MGAT4C: variants seen among roughly 807,000 people sequenced by gnomAD.
The protein encoded by MGAT4C is MGAT4 family member C, also known as alpha-1,3-mannosyl-glycoprotein 4-beta-N-acetylglucosaminyltransferase C.
In MGAT4C, 19 loss-of-function variants were observed where a neutral mutation model predicts 40.1. The ratio of observed to expected loss-of-function variants is 0.47; its 90% CI spans 0.33 to 0.70. MGAT4C has a LOEUF of 0.70. Among genes scored for constraint, MGAT4C ranks in the 30% least tolerant of loss-of-function variants. The pLI, the probability that MGAT4C is intolerant of heterozygous loss-of-function variation, is 0.02. For missense variants in MGAT4C, 491 were observed against 563.2 expected, an observed-to-expected ratio of 0.87 and a Z score of 1.30; for synonymous variants, 181 against 187.1, an observed-to-expected ratio of 0.97 and a Z score of 0.27.
intron 2 of MGAT4C, among the ~76,000 whole-genome samples, chr12:86,559,005 C>T (rs936276035): frequency 6.6e-6 from 1 of 151,738 alleles, no homozygotes; most frequent in Non-Finnish European, 1.5e-5. Context: ...TACAGACAGT[C>T]TATGCAATTG....
chr12:86,415,569 T>C (rs965181912), intron 3 of MGAT4C, among the ~76,000 whole-genome samples: 1 of 151,992 alleles, frequency 6.6e-6, no homozygotes, highest in Non-Finnish European at 1.5e-5. Context: ...TTTTTTCCTA[T>C]GCACAATGGA....
chr12:86,312,534 G>A (rs923852006), intron 4 of MGAT4C, among the ~76,000 whole-genome samples: 15 of 152,112 alleles, frequency 9.9e-5, no homozygotes, highest in Non-Finnish European at 1.8e-4. Context: ...AGCCAGCTTC[G>A]CTCTTATAAA....
At chr12:86,796,932 T>C (rs1593216290) in intron 1 of MGAT4C, among the ~76,000 whole-genome samples, 1 of 152,034 alleles carries the variant, frequency 6.6e-6, no homozygotes, top group East Asian at 1.9e-4. Context: ...TAAAAATATT[T>C]GAAATTTTTA....
At chr12:86,763,753 C>A (rs1418677974) in intron 1 of MGAT4C, among the ~76,000 whole-genome samples, 2 of 152,032 alleles carry the variant, frequency 1.3e-5, no homozygotes, top group African/African-American at 2.4e-5. Flanking sequence ...GGTATAACTG[C>A]AGAATTCCTG....
At chr12:86,300,523 A>C (rs542343304) in intron 4 of MGAT4C, among the ~76,000 whole-genome samples, 3 of 152,168 alleles carry the variant, frequency 2.0e-5, no homozygotes, top group Non-Finnish European at 4.4e-5. Context: ...AACAAAAAAC[A>C]AAAAACAGAG....
At chr12:86,217,368 G>T (rs900574629) in intron 1 of MGAT4C, among the ~76,000 whole-genome samples, 1 of 152,030 alleles carries the variant, frequency 6.6e-6, no homozygotes, top group Non-Finnish European at 1.5e-5. Context: ...TACAGACGTG[G>T]TTTCACCATG....
intron 2 of MGAT4C, among the ~76,000 whole-genome samples, chr12:86,650,503 A>G (rs1337885175): frequency 1.3e-5 from 2 of 151,876 alleles, no homozygotes; most frequent in African/African-American, 4.8e-5. Context: ...ACATTTAAAT[A>G]CCAAGTGCTG....
intron 1 of MGAT4C, among the ~76,000 whole-genome samples, chr12:86,136,860 G>C (rs552530548): frequency 6.6e-6 from 1 of 152,040 alleles, no homozygotes; most frequent in African/African-American, 2.4e-5. Context: ...GCTAATTTTT[G>C]TATTTTTAGT....
At chr12:86,378,834 G>A (rs369862190) in intron 3 of MGAT4C, among the ~76,000 whole-genome samples, 16 of 152,186 alleles carry the variant, frequency 1.1e-4, no homozygotes, top group African/African-American at 3.6e-4. Context: ...GTCTTAAAAT[G>A]AAGTCCCAGG....
At chr12:85,989,345 C>A in intron 3 of MGAT4C, 55 bp downstream of exon 3, 3 of 1,463,712 alleles carry the variant, frequency 2.0e-6, no homozygotes, top group South Asian at 3.0e-5. Flanking sequence ...GGGACTAATT[C>A]TTGTTTGACT....
intron 2 of MGAT4C, among the ~76,000 whole-genome samples, chr12:86,467,378 G>A (rs1364390763): frequency 6.6e-6 from 1 of 152,120 alleles, no homozygotes; most frequent in Non-Finnish European, 1.5e-5. Flanking sequence ...CACAGACCAA[G>A]ACACCATGGA....
intron 2 of MGAT4C, among the ~76,000 whole-genome samples, chr12:86,659,212 T>C (rs1286274588): frequency 1.3e-5 from 2 of 152,032 alleles, no homozygotes; most frequent in Non-Finnish European, 2.9e-5. Flanking sequence ...TTATTATCTT[T>C]CTTCATCCAT....
chr12:86,012,796 C>A (rs368891051), intron 2 of MGAT4C, among the ~76,000 whole-genome samples: 28,029 of 132,228 alleles, frequency 0.21, 2,988 homozygotes, highest in Non-Finnish European at 0.29. Flanking sequence ...CCACCACCAC[C>A]ACCACCACCA....
intron 1 of MGAT4C, among the ~76,000 whole-genome samples, chr12:86,141,847 T>G (rs1409508767): frequency 6.6e-6 from 1 of 152,134 alleles, no homozygotes; most frequent in African/African-American, 2.4e-5. Flanking sequence ...TTCTGGTGGC[T>G]TCAGCGACTG....
At chr12:86,734,939 G>A (rs745872183) in intron 1 of MGAT4C, among the ~76,000 whole-genome samples, 3 of 151,992 alleles carry the variant, frequency 2.0e-5, no homozygotes, top group Non-Finnish European at 4.4e-5. Flanking sequence ...GGGAGGAAAG[G>A]AGTAGGAAAA....
chr12:86,739,267 T>C (rs1593164544), intron 1 of MGAT4C, among the ~76,000 whole-genome samples: 2 of 150,592 alleles, frequency 1.3e-5, no homozygotes, highest in South Asian at 2.1e-4. Flanking sequence ...TTGTAGTACC[T>C]GTCCTAAAGA....
chr12:86,541,922 T>C (rs912866976), intron 2 of MGAT4C, among the ~76,000 whole-genome samples: 5 of 152,210 alleles, frequency 3.3e-5, no homozygotes, highest in Admixed American at 2.6e-4. Context: ...CCTTTCCTTG[T>C]AGTTCATCCA....
chr12:86,494,184 A>C (rs1411545476), intron 2 of MGAT4C, among the ~76,000 whole-genome samples: 1 of 151,974 alleles, frequency 6.6e-6, no homozygotes, highest in Non-Finnish European at 1.5e-5. Context: ...GAAAGCTTGC[A>C]ATTTTCCATT....
rs1033634543 is a variant in MGAT4C at position 85,957,711 on chromosome 12, G to T, written c.*21578C>A. 3 of 146,896 alleles carry T rather than the reference G, an allele frequency of 2.0e-5. No homozygotes were observed. Among genetic ancestry groups the T allele is most frequent in the South Asian group, 4.3e-4 (2 of 4,656 alleles). 9.1% of individuals were successfully genotyped at this position (146,896 alleles called of 1,614,324 possible). Reference sequence around the variant, plus strand: ...AAAAAATCTATCAATCCTGAAAAGAGTGAATCTAGACAGATCATATGGTAA... The same window carrying T: ...AAAAAATCTATCAATCCTGAAAAGATTGAATCTAGACAGATCATATGGTAA... On this transcript the variant is annotated 3_prime_UTR_variant, in exon 5 of 5. Coordinates refer to ENST00000611864, the MANE Select transcript of MGAT4C (RefSeq NM_001351288.2).
Sources: gnomAD v4.1 joint callset for allele counts (sites outside exome capture counted in the v4.1 genomes callset) on GRCh38, gnomAD v4.1.1 for gene constraint, MANE v1.5 for transcripts, NCBI Gene and HGNC (gene_info 2026-07-23, HGNC 2026-07-21) for gene names.